Variants in PHC3 observed in about 807,000 individuals in gnomAD.
The protein encoded by PHC3 is polyhomeotic-like protein 3.
In PHC3, 13 loss-of-function variants were observed where a neutral mutation model predicts 107.4. The ratio of observed to expected loss-of-function variants is 0.12; its 90% CI spans 0.08 to 0.19. The LOEUF (loss-of-function observed/expected upper bound fraction) is 0.19. Among genes scored for constraint, PHC3 ranks in the 10% least tolerant of loss-of-function variants. The probability of loss-of-function intolerance (pLI) is 1.00; values close to 1 mark genes in which losing one functional copy is unlikely to be tolerated. For synonymous variants in PHC3, 456 were observed against 427.4 expected (o/e 1.07, Z -0.83); for missense variants, 992 against 1,210.9 (o/e 0.82, Z 2.68).
chr3:170,132,416 G>A (rs1722403042), intron 7 of PHC3, among the ~76,000 whole-genome samples: 1 of 152,170 alleles, frequency 6.6e-6, no homozygotes, highest in Admixed American at 6.5e-5. Context: ...AATGTTTGTG[G>A]CACAAAATTC....
At chr3:170,163,019 T>A (rs542683419) in intron 4 of PHC3, among the ~76,000 whole-genome samples, 26 of 152,298 alleles carry the variant, frequency 1.7e-4, no homozygotes, top group African/African-American at 6.0e-4. Context: ...TTTTTCTCTT[T>A]CACTTACCAT....
chr3:170,145,453 C>A lies in PHC3; in HGVS notation c.642G>T (p.Ser214=). The A allele has an allele frequency of 1.2e-6, 2 of 1,613,418 alleles. No homozygotes were observed. Among genetic ancestry groups the A allele is most frequent in the Non-Finnish European group, 1.7e-6 (2 of 1,179,534 alleles). The stretch of plus-strand genomic sequence containing the variant: ...TAGCTGCAGACTGACAGGAAGATGA[C>A]GATGACGACGAGACAACAGGAATGT... The part of the protein sequence containing the change: ...QSDIPVVSSS[S]SSSCQSAATQ... The change falls in exon 6 of 15, where the codon TCG becomes TCT. Residue 214 remains serine, a synonymous_variant. Coordinates refer to ENST00000495893, the MANE Select transcript of PHC3 (RefSeq NM_024947.4).
Position 170,090,301 on chromosome 3 carries a change from A to C in PHC3, c.*6929T>G, listed in dbSNP as rs1173453077. 1 of 152,218 alleles carries C rather than the reference A, an allele frequency of 6.6e-6. No individual in the cohort carries two copies. The highest frequency in any genetic ancestry group is 2.4e-5 in the African/African-American group (1 of 41,458). 9.4% of individuals were successfully genotyped at this position (152,218 alleles called of 1,614,324 possible). A position where few individuals can be genotyped will look rare whatever the true frequency, so the allele number is the denominator to read the frequency against. On this transcript the variant is annotated 3_prime_UTR_variant, in exon 15 of 15. Coordinates refer to ENST00000495893, the MANE Select transcript of PHC3 (RefSeq NM_024947.4). ...ATTAAGATTCCCTCTCAGTATATTA[A>C]GTAGTAATGATTATGTTCATATTTA...
At chr3:170,122,809 T>C in intron 8 of PHC3, 65 bp from the exon 9 acceptor site, 2 of 1,539,572 alleles carry the variant, frequency 1.3e-6, no homozygotes, top group Non-Finnish European at 1.8e-6. Context: ...GTGTTCTTAA[T>C]TTCAGAAAAT....
At position 170,111,352 on chromosome 3, in the gene PHC3, G is replaced by GAAAGGGAAGGAAGGA. The variant is rs531481881; in HGVS notation, c.2353+1993_2353+2007dup. 8.7e-3 allele frequency among the ~76,000 whole-genome samples: 1,282 copies of GAAAGGGAAGGAAGGA among 146,614 alleles called. 13 individuals carry two copies. Among genetic ancestry groups the GAAAGGGAAGGAAGGA allele is most frequent in the Middle Eastern group, 0.038 (11 of 288 alleles). On this transcript the variant is annotated intron_variant, in intron 11 of 14. Transcript: ENST00000495893. The stretch of plus-strand genomic sequence containing the variant: ...AACGAAAGAACAAAAGAACGGAAAG[G>GAAAGGGAAGGAAGGA]AAAGGGAAGGAAGGAAAAAGAAAGA...
intron 3 of PHC3, 67 bp downstream of exon 3, chr3:170,172,490 T>C: frequency 5.9e-6 from 9 of 1,522,944 alleles, no homozygotes; most frequent in Non-Finnish European, 6.2e-6. Flanking sequence ...ACCCAATCTA[T>C]TTATTTTCAG....
chr3:170,107,922 T>C (rs1327353946), intron 11 of PHC3, among the ~76,000 whole-genome samples: 1 of 152,130 alleles, frequency 6.6e-6, no homozygotes, highest in East Asian at 1.9e-4. Context: ...ATCTGTAAAA[T>C]GGGGTTTATA....
chr3:170,180,321 G>A (rs1414539919), intron 1 of PHC3, among the ~76,000 whole-genome samples: 2 of 152,062 alleles, frequency 1.3e-5, no homozygotes, highest in East Asian at 1.9e-4. Flanking sequence ...TGGTGGCACA[G>A]GACTGTGGTC....
At chr3:170,146,465 T>A (rs1354379221) in intron 5 of PHC3, among the ~76,000 whole-genome samples, 1 of 150,830 alleles carries the variant, frequency 6.6e-6, no homozygotes, top group Non-Finnish European at 1.5e-5. Flanking sequence ...TGCAAAAAAA[T>A]CTTCACATCA....
At chr3:170,132,336 C>T (rs1171375481) in intron 7 of PHC3, among the ~76,000 whole-genome samples, 3 of 152,140 alleles carry the variant, frequency 2.0e-5, no homozygotes, top group Non-Finnish European at 4.4e-5. Context: ...AATCATCTGG[C>T]TATTAAGGAC....
chr3:170,163,632 G>T (rs1459003120), intron 4 of PHC3, among the ~76,000 whole-genome samples: 1 of 152,100 alleles, frequency 6.6e-6, no homozygotes, highest in African/African-American at 2.4e-5. Flanking sequence ...GGAGGCCGAA[G>T]CAGGCTGATC....
At chr3:170,124,146 C>A (rs577944347) in intron 8 of PHC3, among the ~76,000 whole-genome samples, 3 of 151,888 alleles carry the variant, frequency 2.0e-5, no homozygotes, top group East Asian at 4.0e-4. Flanking sequence ...CCGCACCCGG[C>A]CAATACCTTA....
chr3:170,176,509 G>A lies in PHC3; in HGVS notation c.180+2264C>T, dbSNP rs186007663. On this transcript the variant is annotated intron_variant, in intron 2 of 14. Coordinates refer to ENST00000495893, the MANE Select transcript of PHC3 (RefSeq NM_024947.4). ...ATTATAAGGATTCTACCAGAAGAAA[G>A]CAGGTATAATAGAAAAAATAAGAAT... Among the ~76,000 whole-genome samples, 33 of 152,308 alleles carry A rather than the reference G, an allele frequency of 2.2e-4. No homozygotes were observed. In the East Asian group the frequency reaches 4.6e-3, roughly 21 times the overall value.
intron 4 of PHC3, among the ~76,000 whole-genome samples, chr3:170,162,196 A>G (rs1447682047): frequency 6.6e-6 from 1 of 152,198 alleles, no homozygotes; most frequent in Non-Finnish European, 1.5e-5. Context: ...TCACACCATG[A>G]ACAGTAGTGA....
At chr3:170,169,051 G>C (rs1729185589) in intron 4 of PHC3, among the ~76,000 whole-genome samples, 1 of 151,172 alleles carries the variant, frequency 6.6e-6, no homozygotes, top group Non-Finnish European at 1.5e-5. Context: ...CTCCTCCTTT[G>C]AATGTCATGT....
At chr3:170,128,300 A>G in intron 8 of PHC3, 3 of 1,166,974 alleles carry the variant, frequency 2.6e-6, no homozygotes, top group Non-Finnish European at 3.3e-6. Flanking sequence ...CGTTTTGAGA[A>G]CATACAAGCC....
At chr3:170,136,923 G>GGAAGAGAGGGAA (rs2108511718) in intron 6 of PHC3, among the ~76,000 whole-genome samples, 1 of 151,644 alleles carries the variant, frequency 6.6e-6, no homozygotes, top group Admixed American at 6.6e-5. Flanking sequence ...AAAAAAGAAA[G>GGAAGAGAGGGAA]GAAGAGAGGG....
chr3:170,123,855 T>C (rs1377104342), intron 8 of PHC3, among the ~76,000 whole-genome samples: 1 of 151,744 alleles, frequency 6.6e-6, no homozygotes, highest in African/African-American at 2.4e-5. Flanking sequence ...TAACTAGAAA[T>C]ACTTTTTTTT....
At chr3:170,172,321 T>C (rs896370875) in intron 3 of PHC3, among the ~76,000 whole-genome samples, 2 of 152,220 alleles carry the variant, frequency 1.3e-5, no homozygotes, top group African/African-American at 4.8e-5. Flanking sequence ...TAGCATAGCA[T>C]TTCTTCAATC....
Sources: gnomAD v4.1 joint callset for allele counts (sites outside exome capture counted in the v4.1 genomes callset) on GRCh38, gnomAD v4.1.1 for gene constraint, MANE v1.5 for transcripts, NCBI Gene and HGNC (gene_info 2026-07-23, HGNC 2026-07-21) for gene names.